The following CPEB3 variants were observed in gnomAD, a reference collection of about 807,000 sequenced individuals.
CPEB3 encodes cytoplasmic polyadenylation element binding protein 3, also known as cytoplasmic polyadenylation element-binding protein 3.
CPEB3 carries 20 observed loss-of-function variants against 67.2 expected under a neutral mutation model. That is an observed-to-expected ratio of 0.30 (90% CI 0.21 to 0.43). CPEB3 has a LOEUF of 0.43. Among genes scored for constraint, CPEB3 ranks in the 20% least tolerant of loss-of-function variants. CPEB3 has a pLI of 1.00. For missense variants in CPEB3, 746 were observed against 968.6 expected (o/e 0.77, Z 3.05); for synonymous variants, 376 against 393.1 (o/e 0.96, Z 0.51).
chr10:92,163,027 G>A (rs563720256), intron 4 of CPEB3, among the ~76,000 whole-genome samples: 2 of 152,160 alleles, frequency 1.3e-5, no homozygotes, highest in African/African-American at 2.4e-5. Flanking sequence ...ATCATCCAAA[G>A]TCTACAGTTT....
intron 1 of CPEB3, among the ~76,000 whole-genome samples, chr10:92,242,479 T>A (rs1185407125): frequency 3.3e-5 from 5 of 152,250 alleles, no homozygotes; most frequent in African/African-American, 1.2e-4. Context: ...AGAGACATTT[T>A]CATACTTGGT....
chr10:92,122,307 G>A (rs1166529343), intron 6 of CPEB3, among the ~76,000 whole-genome samples: 4 of 152,178 alleles, frequency 2.6e-5, no homozygotes, highest in Non-Finnish European at 4.4e-5. Flanking sequence ...CACAGGCCAC[G>A]GCATGGAAAG....
At chr10:92,124,595 C>T (rs1265124744) in intron 6 of CPEB3, among the ~76,000 whole-genome samples, 1 of 152,008 alleles carries the variant, frequency 6.6e-6, no homozygotes, top group East Asian at 1.9e-4. Flanking sequence ...GCACTATAAG[C>T]CAGGACCTGA....
chr10:92,207,945 G>GT (rs1312817759), intron 2 of CPEB3, among the ~76,000 whole-genome samples: 3 of 152,186 alleles, frequency 2.0e-5, no homozygotes, highest in East Asian at 3.8e-4. Context: ...GGTCATTAAT[G>GT]TTCTGCTATT....
At chr10:92,090,542 A>C (rs574670559) in intron 8 of CPEB3, among the ~76,000 whole-genome samples, 1 of 152,318 alleles carries the variant, frequency 6.6e-6, no homozygotes, top group Admixed American at 6.5e-5. Flanking sequence ...ACTCCATCTC[A>C]AACAAACAAA....
intron 6 of CPEB3, chr10:92,119,189 T>A (rs961635554): frequency 1.3e-5 from 20 of 1,582,376 alleles, no homozygotes; most frequent in Non-Finnish European, 1.6e-5. Context: ...CAGCATCATA[T>A]TCCTACACAT....
At chr10:92,128,945 A>G (rs1354420860) in intron 6 of CPEB3, among the ~76,000 whole-genome samples, 1 of 152,220 alleles carries the variant, frequency 6.6e-6, no homozygotes, top group Non-Finnish European at 1.5e-5. Flanking sequence ...AATTCCTCAA[A>G]GACCTAAAAA....
intron 1 of CPEB3, among the ~76,000 whole-genome samples, chr10:92,271,131 C>T (rs1322272333): frequency 1.3e-5 from 2 of 152,200 alleles, no homozygotes; most frequent in Admixed American, 1.3e-4. Flanking sequence ...TGCAGTGAGC[C>T]GAGATCGCAC....
intron 7 of CPEB3, among the ~76,000 whole-genome samples, chr10:92,098,864 C>T (rs1312166736): frequency 2.7e-5 from 4 of 150,722 alleles, no homozygotes; most frequent in South Asian, 2.1e-4. Context: ...CTCCATCTCC[C>T]GGGTTCAAGC....
intron 2 of CPEB3, among the ~76,000 whole-genome samples, chr10:92,231,956 G>T (rs890591980): frequency 6.6e-6 from 1 of 151,926 alleles, no homozygotes; most frequent in Non-Finnish European, 1.5e-5. Context: ...CTGACCTCAG[G>T]TGATCCATCT....
At chr10:92,242,018 T>C (rs377530321) in intron 1 of CPEB3, among the ~76,000 whole-genome samples, 1 of 152,220 alleles carries the variant, frequency 6.6e-6, no homozygotes, top group African/African-American at 2.4e-5. Context: ...ATAATAATTA[T>C]TGTTAAAATC....
intron 4 of CPEB3, among the ~76,000 whole-genome samples, chr10:92,176,353 T>G (rs1047632863): frequency 1.3e-5 from 2 of 152,220 alleles, no homozygotes; most frequent in Non-Finnish European, 2.9e-5. Context: ...GATTGCTATC[T>G]CCATTTTACA....
chr10:92,124,267 T>A (rs1466428241), intron 6 of CPEB3, among the ~76,000 whole-genome samples: 1 of 152,254 alleles, frequency 6.6e-6, no homozygotes, highest in Non-Finnish European at 1.5e-5. Flanking sequence ...GGACTATATA[T>A]TCCTAATGAC....
chr10:92,258,249 G>A lies in CPEB3; in HGVS notation c.-11-17888C>T, dbSNP rs1590554230. On this transcript the variant is annotated intron_variant, in intron 1 of 9. Transcript: ENST00000265997. Reference sequence around the variant, plus strand: ...TGAGTAGCTGGGATTAAAGGCACCCGCCACCACACCTGGCTAATTTTTGTA... The same window carrying A: ...TGAGTAGCTGGGATTAAAGGCACCCACCACCACACCTGGCTAATTTTTGTA... Among the ~76,000 whole-genome samples, 7 of 150,800 alleles carry A rather than the reference G, an allele frequency of 4.6e-5. No individual in the cohort carries two copies. The South Asian group carries it at 8.4e-4, about 18-fold the overall frequency.
At chr10:92,143,528 T>C (rs1846537593) in intron 5 of CPEB3, among the ~76,000 whole-genome samples, 2 of 152,186 alleles carry the variant, frequency 1.3e-5, no homozygotes, top group Admixed American at 6.5e-5. Context: ...CTAAGATTAT[T>C]TAAGAAATAG....
At chr10:92,105,676 G>T (rs535244279) in intron 7 of CPEB3, among the ~76,000 whole-genome samples, 1 of 147,328 alleles carries the variant, frequency 6.8e-6, no homozygotes, top group South Asian at 2.1e-4. Flanking sequence ...TATGTGCTAG[G>T]TTCTATAGAT....
At chr10:92,201,579 C>A (rs1849527987) in intron 2 of CPEB3, among the ~76,000 whole-genome samples, 1 of 152,010 alleles carries the variant, frequency 6.6e-6, no homozygotes, top group Non-Finnish European at 1.5e-5. Context: ...TTAAAGTTGC[C>A]CCTTTCCCTG....
intron 4 of CPEB3, among the ~76,000 whole-genome samples, chr10:92,178,772 T>C (rs189077796): frequency 6.6e-6 from 1 of 152,308 alleles, no homozygotes; most frequent in Non-Finnish European, 1.5e-5. Context: ...AGTCACCAGA[T>C]GGGCTGGGAT....
chr10:92,083,112 C>T (rs1449666301), intron 8 of CPEB3, among the ~76,000 whole-genome samples: 1 of 152,188 alleles, frequency 6.6e-6, no homozygotes, highest in African/African-American at 2.4e-5. Context: ...GCTATGTTTA[C>T]ACTTCTCCAA....
Sources: allele counts gnomAD v4.1 joint callset (sites outside exome capture counted in the v4.1 genomes callset), GRCh38; gene constraint gnomAD v4.1.1; transcripts MANE v1.5; gene names NCBI Gene and HGNC (gene_info 2026-07-23, HGNC 2026-07-21).